POT1: variants seen among roughly 807,000 people sequenced by gnomAD.
POT1 encodes the protein protection of telomeres 1, also known as protection of telomeres protein 1.
Under a neutral mutation model 78.5 loss-of-function variants are expected in POT1, and 47 were observed. The ratio of observed to expected loss-of-function variants is 0.60; its 90% CI spans 0.47 to 0.76. The LOEUF is 0.76. POT1 is among the 30% of genes least tolerant of loss of function. POT1 has a pLI of 0.00. For missense variants in POT1, 646 were observed against 749.9 expected, an observed-to-expected ratio of 0.86 and a Z score of 1.62; for synonymous variants, 259 against 260.7, an observed-to-expected ratio of 0.99 and a Z score of 0.06.
At chr7:124,835,492 A>G in intron 14 of POT1, 78 bp from the exon 15 acceptor site, 2 of 1,449,126 alleles carry the variant, frequency 1.4e-6, no homozygotes, top group Non-Finnish European at 1.9e-6. Flanking sequence ...ATAACGTGTG[A>G]GGTATAATAA....
chr7:124,929,511 G>A (rs1228812360), intron 1 of POT1: 1 of 151,960 alleles, frequency 6.6e-6, no homozygotes, highest in African/African-American at 2.4e-5. Context: ...CCTCTTGACG[G>A]GGACACTCAC....
At position 124,855,094 on chromosome 7, in the gene POT1, A is replaced by G. The variant is rs186346602; in HGVS notation, c.703-1956T>C. ...AATCCAAAAACTTATACGAAAGAGAACAGTCAAATCAATTTTAAAGAATAT... is the reference window on the plus strand; with the variant it reads ...AATCCAAAAACTTATACGAAAGAGAGCAGTCAAATCAATTTTAAAGAATAT... On this transcript the variant is annotated intron_variant, in intron 9 of 18. Coordinates refer to ENST00000357628, the MANE Select transcript of POT1 (RefSeq NM_015450.3). Among the ~76,000 whole-genome samples the G allele has an allele frequency of 4.0e-3, 602 of 151,746 alleles. 3 individuals are homozygous for G. Among genetic ancestry groups the G allele is most frequent in the African/African-American group, 0.014 (572 of 41,484 alleles).
intron 2 of POT1, among the ~76,000 whole-genome samples, chr7:124,923,345 A>G (rs1239984405): frequency 1.3e-5 from 2 of 151,890 alleles, no homozygotes; most frequent in African/African-American, 4.8e-5. Context: ...AAGAAAACGG[A>G]AACCATGAAT....
intron 14 of POT1, among the ~76,000 whole-genome samples, chr7:124,840,287 C>T (rs1317909825): frequency 6.6e-6 from 1 of 150,830 alleles, no homozygotes; most frequent in Non-Finnish European, 1.5e-5. Flanking sequence ...GAAGAAAAGC[C>T]TTCAGAAAAA....
intron 18 of POT1, among the ~76,000 whole-genome samples, chr7:124,824,441 C>A (rs1584745873): frequency 1.3e-5 from 2 of 151,776 alleles, no homozygotes; most frequent in Non-Finnish European, 2.9e-5. Flanking sequence ...CCAAAAGAAT[C>A]CAAACAGTTA....
rs1795364552 is a variant in POT1 at position 124,853,337 on chromosome 7, C to A, written c.703-199G>T. 3 of 501,006 alleles carry A rather than the reference C, an allele frequency of 6.0e-6. No homozygotes were observed. In the Admixed American group the frequency reaches 1.1e-4, roughly 18 times the overall value. The allele number at this position is 501,006 out of a possible 1,614,324, so 31.0% of individuals were successfully genotyped here. ...ACTACATCAAAACTAAATATATGGA[C>A]ATGTGCATGCATATGCGTGTGTGCA... On this transcript the variant is annotated intron_variant, in intron 9 of 18. Transcript: ENST00000357628.
At chr7:124,893,948 C>T (rs1796433866) in intron 5 of POT1, among the ~76,000 whole-genome samples, 1 of 151,330 alleles carries the variant, frequency 6.6e-6, no homozygotes. Context: ...GTAGCGAGCT[C>T]CTTTTGTTCT....
At position 124,882,117 on chromosome 7, in the gene POT1, G is replaced by C. The variant is rs185774500; in HGVS notation, c.124+10149C>G. The stretch of plus-strand genomic sequence containing the variant: ...AAATTGCCTTGGAGTTTTATTATAA[G>C]GGAGAGCTGGTAGTTCATCTTAGCA... On this transcript the variant is annotated intron_variant, in intron 6 of 18. Coordinates refer to ENST00000357628, the MANE Select transcript of POT1 (RefSeq NM_015450.3). Among the ~76,000 whole-genome samples, 51 of 152,054 alleles carry C rather than the reference G, an allele frequency of 3.4e-4. 1 individual carries two copies. Among genetic ancestry groups the C allele is most frequent in the Admixed American group, 3.1e-3 (48 of 15,268 alleles).
At chr7:124,902,672 A>G (rs1796651626) in intron 3 of POT1, among the ~76,000 whole-genome samples, 1 of 152,210 alleles carries the variant, frequency 6.6e-6, no homozygotes, top group African/African-American at 2.4e-5. Flanking sequence ...TTCACATATA[A>G]CAATATTAAC....
chr7:124,927,196 A>C (rs1213772763), intron 2 of POT1, among the ~76,000 whole-genome samples: 1 of 152,218 alleles, frequency 6.6e-6, no homozygotes, highest in Non-Finnish European at 1.5e-5. Context: ...CTGAAAAATG[A>C]ATTTGCTCTT....
In POT1 at chr7:124,835,181, G is replaced by A. The variant is rs868736030; in HGVS notation, c.1505+98C>T. The stretch of plus-strand genomic sequence containing the variant: ...TGGGTGCAGCAAACCACAATAGCAC[G>A]TGTATACCTACGTAACAAACCTCCA... On this transcript the variant is annotated intron_variant, in intron 15 of 18. Transcript: ENST00000357628. 66 of 1,407,610 alleles carry A rather than the reference G, an allele frequency of 4.7e-5. No individual in the cohort carries two copies. In the African/African-American group the frequency reaches 5.0e-4, roughly 11 times the overall value. 87.2% of individuals were successfully genotyped at this position (1,407,610 alleles called of 1,614,324 possible).
At chr7:124,926,840 T>C (rs1312906340) in intron 2 of POT1, among the ~76,000 whole-genome samples, 1 of 152,158 alleles carries the variant, frequency 6.6e-6, no homozygotes, top group Non-Finnish European at 1.5e-5. Context: ...AGAGAAATAC[T>C]GCATGTTCTC....
chr7:124,834,525 A>C (rs1477919272), intron 15 of POT1, among the ~76,000 whole-genome samples: 2 of 152,170 alleles, frequency 1.3e-5, no homozygotes, highest in Non-Finnish European at 2.9e-5. Context: ...AGAGAAATGC[A>C]AATCAAAACC....
At chr7:124,889,191 T>C (rs767144766) in intron 6 of POT1, among the ~76,000 whole-genome samples, 29 of 152,040 alleles carry the variant, frequency 1.9e-4, no homozygotes, top group Admixed American at 5.9e-4. Context: ...TCAAAGAGCC[T>C]TATGGCTGAT....
rs1029133662 is a variant in POT1 at position 124,823,403 on chromosome 7, G to C, written c.*559C>G. The C allele has an allele frequency of 6.6e-6, 1 of 151,892 alleles. No individual in the cohort carries two copies. Among genetic ancestry groups the C allele is most frequent in the Non-Finnish European group, 1.5e-5 (1 of 67,908 alleles). 9.4% of individuals were successfully genotyped at this position (151,892 alleles called of 1,614,324 possible). On this transcript the variant is annotated 3_prime_UTR_variant, in exon 19 of 19. Transcript: ENST00000357628. Reference sequence around the variant, plus strand: ...CATGATTTTAAATTTGACAAACACTGTCAGGTAAAAATCAAACTATTTTAC... The same window carrying C: ...CATGATTTTAAATTTGACAAACACTCTCAGGTAAAAATCAAACTATTTTAC...
intron 7 of POT1, among the ~76,000 whole-genome samples, chr7:124,869,374 T>C (rs775332841): frequency 5.2e-4 from 79 of 152,142 alleles, no homozygotes; most frequent in Non-Finnish European, 8.5e-4. Flanking sequence ...GTGTTAGCTA[T>C]GTGAGTATGG....
At chr7:124,844,711 G>C (rs1248097100) in intron 12 of POT1, among the ~76,000 whole-genome samples, 1 of 138,378 alleles carries the variant, frequency 7.2e-6, no homozygotes, top group Non-Finnish European at 1.5e-5. Flanking sequence ...CTCCAGCCTG[G>C]GCGACAGCGA....
intron 3 of POT1, among the ~76,000 whole-genome samples, chr7:124,911,342 G>C (rs1796884709): frequency 6.6e-6 from 1 of 152,064 alleles, no homozygotes; most frequent in South Asian, 2.1e-4. Context: ...GTGTGTATGT[G>C]CACTCACGCT....
chr7:124,911,501 T>C (rs1796888938), intron 3 of POT1, among the ~76,000 whole-genome samples: 1 of 152,160 alleles, frequency 6.6e-6, no homozygotes, highest in South Asian at 2.1e-4. Flanking sequence ...GCAATCAATC[T>C]CAGAGAAATG....
Sources: allele counts gnomAD v4.1 joint callset (sites outside exome capture counted in the v4.1 genomes callset), GRCh38; gene constraint gnomAD v4.1.1; transcripts MANE v1.5; gene names NCBI Gene and HGNC (gene_info 2026-07-23, HGNC 2026-07-21).